KDM2A: variants seen among roughly 807,000 people sequenced by gnomAD.
The protein encoded by KDM2A is lysine-specific demethylase 2A.
In KDM2A, 3 loss-of-function variants were observed where a neutral mutation model predicts 137.3. The ratio of observed to expected loss-of-function variants is 0.02; its 90% CI spans 0.01 to 0.06. The LOEUF is 0.06. Ranked by LOEUF, KDM2A falls within the 10% of genes least tolerant of loss-of-function variation. The pLI, the probability that KDM2A is intolerant of heterozygous loss-of-function variation, is 1.00. For missense variants in KDM2A, 738 were observed against 1,510.6 expected (o/e 0.49, Z 8.48); for synonymous variants, 512 against 541.5 (o/e 0.95, Z 0.76).
intron 2 of KDM2A, among the ~76,000 whole-genome samples, chr11:67,161,399 A>G (rs1467897874): frequency 6.6e-6 from 1 of 152,202 alleles, no homozygotes; most frequent in Non-Finnish European, 1.5e-5. Flanking sequence ...ATCATAGGTT[A>G]TGTGCAAGCT....
intron 2 of KDM2A, among the ~76,000 whole-genome samples, chr11:67,148,121 C>T (rs1856298383): frequency 6.6e-6 from 1 of 152,024 alleles, no homozygotes; most frequent in African/African-American, 2.4e-5. Flanking sequence ...TTTTGCATTC[C>T]TTTAAGAAAA....
intron 8 of KDM2A, 51 bp from the exon 9 acceptor site, chr11:67,217,680 G>T: frequency 1.3e-6 from 2 of 1,587,382 alleles, no homozygotes; most frequent in South Asian, 2.3e-5. Flanking sequence ...TGAGGGAGAC[G>T]ACTGGGTCAT....
At chr11:67,163,467 G>A (rs1265080504) in intron 2 of KDM2A, among the ~76,000 whole-genome samples, 6 of 152,130 alleles carry the variant, frequency 3.9e-5, no homozygotes, top group Non-Finnish European at 8.8e-5. Flanking sequence ...TGCCATTGGA[G>A]AAGAGGCAAG....
intron 2 of KDM2A, among the ~76,000 whole-genome samples, chr11:67,150,962 A>G (rs1208699850): frequency 6.6e-6 from 1 of 152,126 alleles, no homozygotes; most frequent in Non-Finnish European, 1.5e-5. Context: ...TCCCATACAC[A>G]GTGTGAGTGG....
chr11:67,152,498 C>T (rs1326337652), intron 2 of KDM2A, among the ~76,000 whole-genome samples: 1 of 151,914 alleles, frequency 6.6e-6, no homozygotes, highest in Non-Finnish European at 1.5e-5. Context: ...GTCCTTGCTA[C>T]TTGGGAGGCC....
At chr11:67,179,711 A>G (rs1416151472) in intron 2 of KDM2A, among the ~76,000 whole-genome samples, 1 of 152,244 alleles carries the variant, frequency 6.6e-6, no homozygotes, top group Non-Finnish European at 1.5e-5. Flanking sequence ...TGAAAAAATT[A>G]TATTTTGTAT....
intron 5 of KDM2A, among the ~76,000 whole-genome samples, chr11:67,195,060 TAGAC>T: frequency 6.6e-6 from 1 of 152,172 alleles, no homozygotes; most frequent in Non-Finnish European, 1.5e-5. Context: ...ATTCTGGACC[TAGAC>T]AGAGGCAATA....
In KDM2A at chr11:67,217,717, T is replaced by G; in HGVS notation, c.688-14T>G. 1 of 1,613,006 alleles carries G rather than the reference T, an allele frequency of 6.2e-7. No homozygotes were observed. The highest frequency in any genetic ancestry group is 8.5e-7 in the Non-Finnish European group (1 of 1,179,492). On this transcript the variant is annotated splice_polypyrimidine_tract_variant and intron_variant, in intron 8 of 20. Transcript: ENST00000529006. Reference sequence around the variant, plus strand: ...TCAATGGCTGTTAACAGACTAAAGTTTTTTAACTCACAGGTCTTCTGGCTC... The same window carrying G: ...TCAATGGCTGTTAACAGACTAAAGTGTTTTAACTCACAGGTCTTCTGGCTC...
chr11:67,173,833 C>T (rs989059799), intron 2 of KDM2A, among the ~76,000 whole-genome samples: 2 of 152,134 alleles, frequency 1.3e-5, no homozygotes, highest in African/African-American at 4.8e-5. Flanking sequence ...CTGTCCCAGT[C>T]TCCTGAGTAG....
At chr11:67,144,274 CAG>C (rs1856192801) in intron 2 of KDM2A, among the ~76,000 whole-genome samples, 1 of 137,770 alleles carries the variant, frequency 7.3e-6, no homozygotes, top group Non-Finnish European at 1.6e-5. Context: ...TTTTTCAAGA[CAG>C]AGTCTCACTC....
At chr11:67,187,932 C>T (rs1218317977) in intron 5 of KDM2A, among the ~76,000 whole-genome samples, 1 of 152,150 alleles carries the variant, frequency 6.6e-6, no homozygotes, top group Non-Finnish European at 1.5e-5. Context: ...TGGTGCCTCA[C>T]ACCTAAAATC....
rs775074486 is a variant in KDM2A, at chr11:67,231,813, T to A, written c.1332T>A (p.Ala444=). The A allele has an allele frequency of 6.2e-7, 1 of 1,614,014 alleles. No individual in the cohort carries two copies. The highest frequency in any genetic ancestry group is 8.5e-7 in the Non-Finnish European group (1 of 1,179,886). The change falls in exon 12 of 21, where the codon GCT becomes GCA. Residue 444 remains alanine (A), a synonymous_variant. Coordinates refer to ENST00000529006, the MANE Select transcript of KDM2A (RefSeq NM_012308.3). ...GACAAGTGTGGGATCCCCAGTGTGC[T>A]CCCCGAAAGGACAGGCAAGTGCATC... ...HNGQVWDPQC[A]PRKDRQVHLT... is the part of the protein sequence containing the mutation.
chr11:67,201,404 G>A (rs1418191089), intron 5 of KDM2A, among the ~76,000 whole-genome samples: 1 of 151,932 alleles, frequency 6.6e-6, no homozygotes, highest in African/African-American at 2.4e-5. Flanking sequence ...GTTTTGATAG[G>A]CCCAGGTGGT....
chr11:67,126,246 C>CAAAA (rs112684494), intron 2 of KDM2A, among the ~76,000 whole-genome samples: 1 of 76,864 alleles, frequency 1.3e-5, no homozygotes, highest in Non-Finnish European at 2.7e-5. Flanking sequence ...AACTCCGTCT[C>CAAAA]AAAAAAAAAA....
chr11:67,163,598 A>T (rs1461655527), intron 2 of KDM2A, among the ~76,000 whole-genome samples: 1 of 152,224 alleles, frequency 6.6e-6, no homozygotes, highest in African/African-American at 2.4e-5. Flanking sequence ...TCACGCCTGT[A>T]ATTCCAGCAC....
chr11:67,190,491 G>C (rs868401322), intron 5 of KDM2A, among the ~76,000 whole-genome samples: 3 of 152,144 alleles, frequency 2.0e-5, no homozygotes, highest in African/African-American at 7.2e-5. Context: ...TATGCGTGGT[G>C]GCTCATTCCA....
chr11:67,141,704 TATAA>T (rs1459307204), intron 2 of KDM2A, among the ~76,000 whole-genome samples: 2 of 129,894 alleles, frequency 1.5e-5, no homozygotes, highest in African/African-American at 3.0e-5. Flanking sequence ...TATATATATA[TATAA>T]AATTCATTGT....
At chr11:67,207,275 T>G (rs1452160708) in intron 5 of KDM2A, among the ~76,000 whole-genome samples, 2 of 152,074 alleles carry the variant, frequency 1.3e-5, no homozygotes, top group Non-Finnish European at 2.9e-5. Flanking sequence ...GATAAAAGAG[T>G]CAACAACTGA....
chr11:67,179,165 T>A (rs1253818648), intron 2 of KDM2A, among the ~76,000 whole-genome samples: 2 of 152,216 alleles, frequency 1.3e-5, no homozygotes, highest in East Asian at 3.8e-4. Flanking sequence ...AATTGAGCAT[T>A]TTTCATGTGC....
Sources: allele counts gnomAD v4.1 joint callset (sites outside exome capture counted in the v4.1 genomes callset), GRCh38; gene constraint gnomAD v4.1.1; transcripts MANE v1.5; gene names NCBI Gene and HGNC (gene_info 2026-07-23, HGNC 2026-07-21).